The following RARS1 variants were observed in gnomAD, a reference collection of about 807,000 sequenced individuals.
RARS1 encodes the protein arginine--tRNA ligase, cytoplasmic.
Under a neutral mutation model 78.7 loss-of-function variants are expected in RARS1, and 75 were observed. That is an observed-to-expected ratio of 0.95 (90% CI 0.79 to 1.15). The LOEUF is 1.15. RARS1 is among the 50% of genes most tolerant of loss of function. RARS1 has a pLI of 0.00. For synonymous variants in RARS1, 273 were observed against 268.2 expected (o/e 1.02, Z -0.18); for missense variants, 787 against 787.5 (o/e 1.00, Z 0.01).
chr5:168,510,697 G>A lies in RARS1; in HGVS notation c.1452+11G>A. 1 of 1,551,944 alleles carries A rather than the reference G, an allele frequency of 6.4e-7. No individual in the cohort carries two copies. The highest frequency in any genetic ancestry group is 1.2e-5 in the South Asian group (1 of 84,956). On this transcript the variant is annotated intron_variant, in intron 12 of 14. Coordinates refer to ENST00000231572, the MANE Select transcript of RARS1 (RefSeq NM_002887.4). ...AAAGAAAGAGACAAGGTAATTCAAA[G>A]CCTTATAGGCATAATGTGTATCAAG...
intron 12 of RARS1, among the ~76,000 whole-genome samples, chr5:168,514,986 T>G (rs1445382543): frequency 6.6e-6 from 1 of 152,208 alleles, no homozygotes; most frequent in Non-Finnish European, 1.5e-5. Context: ...TCTTATAAGC[T>G]GTACTCTGTT....
rs1328385609 is a variant in RARS1 at position 168,516,917 on chromosome 5, C to A, written c.1592C>A (p.Ala531Asp). The A allele has an allele frequency of 1.9e-6, 3 of 1,613,966 alleles. No individual in the cohort carries two copies. In the African/African-American group the frequency reaches 4.0e-5, roughly 22 times the overall value. Reference sequence around the variant, plus strand: ...ATGCTAGATGACAGAGGAAATACAGCTGCTTACTTGTTGTATGCCTTCACT... The same window carrying A: ...ATGCTAGATGACAGAGGAAATACAGATGCTTACTTGTTGTATGCCTTCACT... The part of the protein sequence containing the change: ...DKMLDDRGNT[A>D]AYLLYAFTRI... The change falls in exon 13 of 15, where the codon GCT (alanine) becomes GAT (aspartate). Residue 531 changes from alanine (A) to aspartate (D), a missense_variant. Physicochemically the swap from Ala to Asp is moderately radical, Grantham distance 126. Coordinates refer to ENST00000231572, the MANE Select transcript of RARS1 (RefSeq NM_002887.4).
chr5:168,504,534 A>G (rs1464563994), intron 9 of RARS1, among the ~76,000 whole-genome samples: 2 of 145,738 alleles, frequency 1.4e-5, no homozygotes, highest in Non-Finnish European at 1.5e-5. Context: ...AAAAAAAAAA[A>G]GAAAAAAAAA....
chr5:168,516,574 T>G (rs1758670086), intron 12 of RARS1, among the ~76,000 whole-genome samples: 1 of 152,248 alleles, frequency 6.6e-6, no homozygotes, highest in Non-Finnish European at 1.5e-5. Context: ...AGACACATTC[T>G]TCATTGTGCA....
At chr5:168,504,062 G>GAA (rs35643354) in intron 9 of RARS1, among the ~76,000 whole-genome samples, 516 of 131,816 alleles carry the variant, frequency 3.9e-3, no homozygotes, top group African/African-American at 0.014. Flanking sequence ...CCCTGTCTCT[G>GAA]AAAAAAAAAA....
At chr5:168,515,724 T>G (rs1363926989) in intron 12 of RARS1, among the ~76,000 whole-genome samples, 4 of 152,246 alleles carry the variant, frequency 2.6e-5, no homozygotes, top group South Asian at 2.1e-4. Flanking sequence ...CTGGCCATAC[T>G]TCAATGGCGT....
chr5:168,495,670 T>A (rs556374101), intron 6 of RARS1, among the ~76,000 whole-genome samples: 3 of 152,276 alleles, frequency 2.0e-5, no homozygotes, highest in South Asian at 2.1e-4. Context: ...AGGACAAAAC[T>A]CCTTCATTCT....
At chr5:168,504,096 G>C (rs1758386144) in intron 9 of RARS1, among the ~76,000 whole-genome samples, 2 of 150,560 alleles carry the variant, frequency 1.3e-5, no homozygotes, top group African/African-American at 4.9e-5. Flanking sequence ...GAGAGAGAGA[G>C]AGAGGTCGAG....
rs1363084355 is a variant in RARS1, at chr5:168,519,165, G to A, written c.1958G>A (p.Gly653Glu). 7 of 1,613,532 alleles carry A rather than the reference G, an allele frequency of 4.3e-6. No individual in the cohort carries two copies. Among genetic ancestry groups the A allele is most frequent in the Non-Finnish European group, 5.1e-6 (6 of 1,179,516 alleles). The change falls in exon 15 of 15, where the codon GGA (glycine) becomes GAA (glutamate). Residue 653 changes from glycine (G) to glutamate (E), a missense_variant. Coordinates refer to ENST00000231572, the MANE Select transcript of RARS1 (RefSeq NM_002887.4). ...AVMAKGFDIL[G>E]IKPVQRM ...ATGGCCAAGGGGTTTGATATCCTGGGAATAAAACCTGTCCAAAGGATGTAA... is the reference window on the plus strand; with the variant it reads ...ATGGCCAAGGGGTTTGATATCCTGGAAATAAAACCTGTCCAAAGGATGTAA...
chr5:168,493,999 C>A lies in RARS1; in HGVS notation c.475C>A (p.Pro159Thr). Residue 159 changes from proline (P) to threonine (T), a missense_variant, in exon 4 of 15, where the codon CCT becomes ACT. Pro to Thr is a conservative substitution (Grantham distance 38, BLOSUM62 -1). Transcript: ENST00000231572. ...ECIEKVEIAG[P>T]GFINVHLRKD... ...TATTGAAAAAGTTGAAATTGCTGGT[C>A]CTGGTATGACATAATGTTATCCTTC... The A allele has an allele frequency of 6.3e-7, 1 of 1,594,212 alleles. No individual in the cohort carries two copies. Among genetic ancestry groups the A allele is most frequent in the Admixed American group, 1.7e-5 (1 of 59,896 alleles).
rs112030251 is a variant in RARS1, at chr5:168,509,155, C to T, written c.1347-1426C>T. On this transcript the variant is annotated intron_variant, in intron 11 of 14. Transcript: ENST00000231572. ...GTAGATTAAGGAAGGTTTCCTTTAG[C>T]ATTTTGACTGGTCTTCATGATGAGT... Among the ~76,000 whole-genome samples, 430 of 152,196 alleles carry T rather than the reference C, an allele frequency of 2.8e-3. 2 individuals are homozygous for T. The highest frequency in any genetic ancestry group is 9.3e-3 in the African/African-American group (385 of 41,518).
At chr5:168,506,399 C>A (rs1167501980) in intron 10 of RARS1, among the ~76,000 whole-genome samples, 200 bp downstream of exon 10, 1 of 152,158 alleles carries the variant, frequency 6.6e-6, no homozygotes, top group African/African-American at 2.4e-5. Context: ...CTTGCCTCCA[C>A]AAACTGGAAC....
intron 12 of RARS1, among the ~76,000 whole-genome samples, chr5:168,511,738 G>C (rs1758567504): frequency 6.6e-6 from 1 of 151,500 alleles, no homozygotes; most frequent in African/African-American, 2.4e-5. Context: ...CACCAATCAA[G>C]ATATATTTCC....
In RARS1 at chr5:168,519,081, G is replaced by GAAAAATA. The variant is rs1394413971; in HGVS notation, c.1875_1881dup (p.Leu628LysfsTer14). ...TAACAACTTTTTTCTATCTTTTCAGGAAAAATATTGAAGGTGAACATGTGG... is the reference window on the plus strand; with the variant it reads ...TAACAACTTTTTTCTATCTTTTCAGGAAAAATAAAAAATATTGAAGGTGAACATGTGG... On this transcript the variant is annotated frameshift_variant and splice_region_variant, in exon 15 of 15. Transcript: ENST00000231572. LOFTEE classifies it high-confidence loss of function. 1 of 1,601,620 alleles carries GAAAAATA rather than the reference G, an allele frequency of 6.2e-7. No individual in the cohort carries two copies.
chr5:168,496,243 G>A (rs1758182630), intron 6 of RARS1, among the ~76,000 whole-genome samples: 2 of 151,744 alleles, frequency 1.3e-5, no homozygotes, highest in African/African-American at 4.8e-5. Context: ...GCTGGGTGTG[G>A]TGGTGCACAC....
intron 11 of RARS1, among the ~76,000 whole-genome samples, chr5:168,507,185 T>C (rs1333374292): frequency 2.0e-5 from 3 of 152,192 alleles, no homozygotes; most frequent in Admixed American, 1.3e-4. Flanking sequence ...ATGTTTTTGT[T>C]TTTTCCTTCA....
rs759568277 is a variant in RARS1 at position 168,486,504 on chromosome 5, C to T, written c.6C>T (p.Asp2=). Residue 2 remains aspartate, a synonymous_variant, in exon 1 of 15, where the codon GAC becomes GAT. Transcript: ENST00000231572. M[D]VLVSECSARL... ...AGTGAGACGCTGATGGGAGGATGGA[C>T]GTACTGGTGTCTGAGTGCTCCGCGC... The T allele has an allele frequency of 1.5e-5, 24 of 1,558,928 alleles. No homozygotes were observed. Among genetic ancestry groups the T allele is most frequent in the Admixed American group, 9.8e-5 (5 of 51,134 alleles).
At chr5:168,490,287 TTC>T (rs1162014764) in intron 2 of RARS1, among the ~76,000 whole-genome samples, 30 of 152,220 alleles carry the variant, frequency 2.0e-4, no homozygotes, top group African/African-American at 5.3e-4. Flanking sequence ...ATATGTTTAA[TTC>T]TCTGTTATAT....
Position 168,492,699 on chromosome 5 carries a change from T to G in RARS1, c.221T>G (p.Ile74Ser). 1 of 1,611,432 alleles carries G rather than the reference T, an allele frequency of 6.2e-7. No homozygotes were observed. The change falls in exon 3 of 15, where the codon ATT (isoleucine) becomes AGT (serine). Residue 74 changes from isoleucine (I) to serine (S), a missense_variant. By Grantham distance (142) the Ile-to-Ser change is moderately radical (BLOSUM62 -2). Coordinates refer to ENST00000231572, the MANE Select transcript of RARS1 (RefSeq NM_002887.4). ...AERNKPTKNMINIISRLQEVF... is the reference protein window; with the variant it reads ...AERNKPTKNMSNIISRLQEVF... ...AGGAACAAACCAACTAAAAATATGA[T>G]TAACATTATTAGCCGCCTACAAGAG...
Sources: allele counts gnomAD v4.1 joint callset (sites outside exome capture counted in the v4.1 genomes callset), GRCh38; gene constraint gnomAD v4.1.1; transcripts MANE v1.5; gene names NCBI Gene and HGNC (gene_info 2026-07-23, HGNC 2026-07-21).